TRAPPC9: variants seen among roughly 807,000 people sequenced by gnomAD.
The protein encoded by TRAPPC9 is trafficking protein particle complex subunit 9.
Under a neutral mutation model 124.0 loss-of-function variants are expected in TRAPPC9, and 83 were observed. That is an observed-to-expected ratio of 0.67 (90% CI 0.56 to 0.80). The LOEUF (loss-of-function observed/expected upper bound fraction) is 0.80, where lower values mean the gene tolerates loss of function less well. Among genes scored for constraint, TRAPPC9 ranks in the 30% least tolerant of loss-of-function variants. The probability of loss-of-function intolerance (pLI) is 0.00; values close to 1 mark genes in which losing one functional copy is unlikely to be tolerated. For missense variants in TRAPPC9, 1,302 were observed against 1,508.3 expected (o/e 0.86, Z 2.27); for synonymous variants, 638 against 617.5 (o/e 1.03, Z -0.49).
chr8:139,749,655 T>G (rs1819184853), intron 21 of TRAPPC9, among the ~76,000 whole-genome samples: 1 of 152,184 alleles, frequency 6.6e-6, no homozygotes, highest in Non-Finnish European at 1.5e-5. Flanking sequence ...ACTCTTGATG[T>G]GGTGACAGCC....
intron 21 of TRAPPC9, 92 bp from the exon 22 acceptor site, chr8:139,732,294 C>T (rs929868103): frequency 1.7e-6 from 2 of 1,209,916 alleles, no homozygotes; most frequent in African/African-American, 3.0e-5. Context: ...CATTTCTTCC[C>T]TCCTTCACTC....
intron 19 of TRAPPC9, among the ~76,000 whole-genome samples, chr8:139,919,852 A>G (rs906098193): frequency 1.3e-5 from 2 of 152,158 alleles, no homozygotes; most frequent in African/African-American, 4.8e-5. Context: ...CACGGTCTCC[A>G]TGCTCCCTGG....
At chr8:139,970,586 C>T (rs1435692459) in intron 19 of TRAPPC9, among the ~76,000 whole-genome samples, 3 of 152,140 alleles carry the variant, frequency 2.0e-5, no homozygotes, top group Admixed American at 6.5e-5. Flanking sequence ...GGCTTCCCTC[C>T]GCCTTTCCCA....
At position 139,909,007 on chromosome 8, in the gene TRAPPC9, A is replaced by C. The variant is rs1360126858; in HGVS notation, c.2964+1140T>G. 3.3e-5 allele frequency among the ~76,000 whole-genome samples: 5 copies of C among 152,064 alleles called. No homozygotes were observed. The East Asian group carries it at 9.7e-4, about 29-fold the overall frequency. The stretch of plus-strand genomic sequence containing the variant: ...ATGTAAAGTGCTTATTTTGTCACAA[A>C]CTCCTTGGAGACAGTGAGTCTGCCA... On this transcript the variant is annotated intron_variant, in intron 20 of 22. Transcript: ENST00000438773.
intron 18 of TRAPPC9, among the ~76,000 whole-genome samples, chr8:139,996,320 G>A (rs189679196): frequency 6.6e-6 from 1 of 151,770 alleles, no homozygotes; most frequent in African/African-American, 2.4e-5. Flanking sequence ...AATACTCAGA[G>A]AACATTCCAC....
rs1469822883 is a variant in TRAPPC9, at chr8:139,852,408, GCCCGCCTTCC to G, written c.3055+33461_3055+33470del. 4.6e-5 allele frequency among the ~76,000 whole-genome samples: 7 copies of G among 152,106 alleles called. No homozygotes were observed. The South Asian group carries it at 6.2e-4, about 14-fold the overall frequency. Reference sequence around the variant, plus strand: ...CCGGATCATGAATTCATGGGTTGATGCCCGCCTTCCCCACTGGACAGGAGGCTCCTCACCG... The same window carrying G: ...CCGGATCATGAATTCATGGGTTGATGCCACTGGACAGGAGGCTCCTCACCG... On this transcript the variant is annotated intron_variant, in intron 21 of 22. Transcript: ENST00000438773.
chr8:140,363,647 G>C (rs984126393), intron 8 of TRAPPC9, among the ~76,000 whole-genome samples: 5 of 151,916 alleles, frequency 3.3e-5, no homozygotes, highest in African/African-American at 7.3e-5. Flanking sequence ...GCCCAGGCTG[G>C]AGTGCAATGC....
At chr8:140,122,263 A>G (rs1373301942) in intron 17 of TRAPPC9, among the ~76,000 whole-genome samples, 1 of 152,202 alleles carries the variant, frequency 6.6e-6, no homozygotes, top group African/African-American at 2.4e-5. Context: ...AAACAGATCC[A>G]ACCCCAGTTG....
intron 21 of TRAPPC9, chr8:139,881,119 G>C (rs573654503): frequency 6.6e-6 from 1 of 152,328 alleles, no homozygotes; most frequent in East Asian, 1.9e-4. Flanking sequence ...GGGAAGAAAC[G>C]ACGTGGTGCT....
intron 21 of TRAPPC9, among the ~76,000 whole-genome samples, chr8:139,853,943 G>GA (rs1244189395): frequency 1.3e-5 from 2 of 152,126 alleles, no homozygotes; most frequent in African/African-American, 2.4e-5. Flanking sequence ...ACATACATGT[G>GA]TATACCATAC....
intron 9 of TRAPPC9, among the ~76,000 whole-genome samples, chr8:140,357,440 C>G (rs1466578760): frequency 6.6e-6 from 1 of 152,114 alleles, no homozygotes; most frequent in Non-Finnish European, 1.5e-5. Flanking sequence ...TGTGGGGACA[C>G]TGCCACCAGG....
intron 12 of TRAPPC9, among the ~76,000 whole-genome samples, chr8:140,289,865 C>T (rs1286696694): frequency 6.6e-6 from 1 of 152,228 alleles, no homozygotes; most frequent in Non-Finnish European, 1.5e-5. Flanking sequence ...CTCCCGAGCG[C>T]ACCTCGAGAC....
chr8:139,938,076 G>T (rs11777070), intron 19 of TRAPPC9, among the ~76,000 whole-genome samples: 26,552 of 152,170 alleles, frequency 0.17, 2,386 homozygotes, highest in South Asian at 0.24. Flanking sequence ...ATGAATAGGA[G>T]AATGTCTGTA....
Position 140,196,077 on chromosome 8 carries a change from G to A in TRAPPC9, c.2556+25382C>T, listed in dbSNP as rs867189296. Among the ~76,000 whole-genome samples the A allele has an allele frequency of 2.0e-5, 3 of 148,612 alleles. 1 individual carries two copies. The highest frequency in any genetic ancestry group is 2.1e-4 in the South Asian group (1 of 4,692). On this transcript the variant is annotated intron_variant, in intron 17 of 22. Coordinates refer to ENST00000438773, the MANE Select transcript of TRAPPC9 (RefSeq NM_001160372.4). Reference sequence around the variant, plus strand: ...AACAATTCACATACAGACCACACCTGTGATACTAAAACACTCAATGATCCA... The same window carrying A: ...AACAATTCACATACAGACCACACCTATGATACTAAAACACTCAATGATCCA...
intron 9 of TRAPPC9, among the ~76,000 whole-genome samples, chr8:140,312,229 C>T (rs754151370): frequency 6.6e-6 from 1 of 152,206 alleles, no homozygotes; most frequent in Admixed American, 6.5e-5. Context: ...TCCCTCCTTG[C>T]AGCATCTAGC....
intron 10 of TRAPPC9, among the ~76,000 whole-genome samples, chr8:140,302,491 A>G (rs894693896): frequency 6.6e-6 from 1 of 152,240 alleles, no homozygotes; most frequent in African/African-American, 2.4e-5. Context: ...ACAGCAAAGC[A>G]GAAGTCCAGG....
chr8:139,910,101 T>C (rs893197351), intron 20 of TRAPPC9, 46 bp downstream of exon 20: 5 of 1,612,142 alleles, frequency 3.1e-6, no homozygotes, highest in Non-Finnish European at 4.2e-6. Context: ...GTTGGAACCC[T>C]GGGCAAAGGT....
At chr8:140,153,284 T>A (rs1201603192) in intron 17 of TRAPPC9, among the ~76,000 whole-genome samples, 1 of 152,146 alleles carries the variant, frequency 6.6e-6, no homozygotes, top group Non-Finnish European at 1.5e-5. Context: ...AACAAATTGA[T>A]TAAGATTTCC....
At chr8:140,349,511 C>T (rs1387699139) in intron 9 of TRAPPC9, among the ~76,000 whole-genome samples, 2 of 151,980 alleles carry the variant, frequency 1.3e-5, no homozygotes, top group Admixed American at 6.5e-5. Context: ...GCAGAGGTTC[C>T]GCTTCAGAGC....
Sources: gnomAD v4.1 joint callset for allele counts (sites outside exome capture counted in the v4.1 genomes callset) on GRCh38, gnomAD v4.1.1 for gene constraint, MANE v1.5 for transcripts, NCBI Gene and HGNC (gene_info 2026-07-23, HGNC 2026-07-21) for gene names.